ADGRB3: variants seen among roughly 807,000 people sequenced by gnomAD.
ADGRB3 encodes adhesion G protein-coupled receptor B3.
A neutral mutation model predicts 193.4 loss-of-function variants in ADGRB3; 37 were observed. The observed-to-expected ratio is 0.19, with a 90% CI of 0.15 to 0.25. The LOEUF (loss-of-function observed/expected upper bound fraction) is 0.25, where lower values mean the gene tolerates loss of function less well. Ranked by LOEUF, ADGRB3 falls within the 10% of genes least tolerant of loss-of-function variation. The pLI is 1.00. For synonymous variants in ADGRB3, 690 were observed against 644.2 expected (o/e 1.07, Z -1.08); for missense variants, 1,637 against 1,852.9 (o/e 0.88, Z 2.14).
chr6:69,311,148 G>A (rs1301249442), intron 20 of ADGRB3, among the ~76,000 whole-genome samples: 1 of 151,730 alleles, frequency 6.6e-6, no homozygotes, highest in Non-Finnish European at 1.5e-5. Context: ...CCAGTGGACT[G>A]AAATTTTTAT....
intron 17 of ADGRB3, among the ~76,000 whole-genome samples, chr6:69,216,293 A>G (rs1765770973): frequency 6.6e-6 from 1 of 152,200 alleles, no homozygotes; most frequent in African/African-American, 2.4e-5. Flanking sequence ...GGCCACTTGC[A>G]TTTGAATACC....
chr6:69,004,918 G>C lies in ADGRB3; in HGVS notation c.1930-9120G>C, dbSNP rs149372196. Among the ~76,000 whole-genome samples, 5 of 152,228 alleles carry C rather than the reference G, an allele frequency of 3.3e-5. No individual in the cohort carries two copies. In the South Asian group the frequency reaches 1.0e-3, roughly 32 times the overall value. On this transcript the variant is annotated intron_variant, in intron 11 of 31. Transcript: ENST00000370598. Reference sequence around the variant, plus strand: ...ATCTTTCTTCAGGACTGGACCTGCTGTGACTACTGCCTGTAGTCTTGTAAG... The same window carrying C: ...ATCTTTCTTCAGGACTGGACCTGCTCTGACTACTGCCTGTAGTCTTGTAAG...
At chr6:68,892,468 TA>T (rs1479152946) in intron 3 of ADGRB3, among the ~76,000 whole-genome samples, 2 of 152,170 alleles carry the variant, frequency 1.3e-5, no homozygotes, top group East Asian at 3.8e-4. Flanking sequence ...GCCCCTTATG[TA>T]AATTAGCCAG....
chr6:68,884,328 A>G (rs1315368128), intron 3 of ADGRB3, among the ~76,000 whole-genome samples: 1 of 152,172 alleles, frequency 6.6e-6, no homozygotes, highest in African/African-American at 2.4e-5. Flanking sequence ...TTACATAATT[A>G]CACAAATAAA....
intron 3 of ADGRB3, among the ~76,000 whole-genome samples, chr6:68,686,112 TGTA>T (rs1435740469): frequency 2.0e-5 from 3 of 152,160 alleles, no homozygotes; most frequent in African/African-American, 4.8e-5. Context: ...AAAGAAGGAT[TGTA>T]AGGTGGACAC....
intron 3 of ADGRB3, among the ~76,000 whole-genome samples, chr6:68,700,358 C>A (rs12200060): frequency 1.4e-4 from 22 of 151,842 alleles, no homozygotes; most frequent in Non-Finnish European, 3.1e-4. Context: ...TTTCAAAACA[C>A]CTTTTTTTTT....
At chr6:69,123,554 G>T (rs2150331121) in intron 17 of ADGRB3, among the ~76,000 whole-genome samples, 1 of 152,256 alleles carries the variant, frequency 6.6e-6, no homozygotes, top group African/African-American at 2.4e-5. Context: ...AATAAAAGCT[G>T]CATCTGCCAT....
intron 30 of ADGRB3, among the ~76,000 whole-genome samples, chr6:69,372,849 G>T (rs1239392586): frequency 6.6e-6 from 1 of 151,864 alleles, no homozygotes; most frequent in African/African-American, 2.4e-5. Context: ...GGTTAGCTAG[G>T]CTTTCTCTGA....
chr6:69,303,502 AG>A (rs1033858782), intron 20 of ADGRB3, among the ~76,000 whole-genome samples: 16 of 151,878 alleles, frequency 1.1e-4, no homozygotes, highest in Non-Finnish European at 1.0e-4. Flanking sequence ...TCCACTTCAA[AG>A]TTTTTCAGGC....
At chr6:69,016,314 A>AG (rs1770089355) in intron 12 of ADGRB3, among the ~76,000 whole-genome samples, 1 of 151,896 alleles carries the variant, frequency 6.6e-6, no homozygotes. Flanking sequence ...AGAAGGGAAA[A>AG]AAAACACATT....
intron 3 of ADGRB3, among the ~76,000 whole-genome samples, chr6:68,689,857 A>G (rs1765042221): frequency 6.6e-6 from 1 of 152,180 alleles, no homozygotes; most frequent in African/African-American, 2.4e-5. Flanking sequence ...TTCTGAAACA[A>G]AAGTTCAGAA....
At chr6:68,801,139 A>T (rs1767302725) in intron 3 of ADGRB3, among the ~76,000 whole-genome samples, 1 of 152,152 alleles carries the variant, frequency 6.6e-6, no homozygotes, top group African/African-American at 2.4e-5. Flanking sequence ...TCATATATAT[A>T]ATGGAAAAAC....
At chr6:68,857,836 C>T (rs1388327403) in intron 3 of ADGRB3, among the ~76,000 whole-genome samples, 3 of 152,164 alleles carry the variant, frequency 2.0e-5, no homozygotes, top group Non-Finnish European at 4.4e-5. Context: ...CATCTTGTAG[C>T]TCCCATAATT....
At chr6:69,027,090 T>A (rs1451635377) in intron 13 of ADGRB3, among the ~76,000 whole-genome samples, 1 of 152,186 alleles carries the variant, frequency 6.6e-6, no homozygotes, top group African/African-American at 2.4e-5. Context: ...TTTTTTTAAC[T>A]TTTGGACTCT....
intron 3 of ADGRB3, among the ~76,000 whole-genome samples, chr6:68,746,277 G>T (rs1247505973): frequency 6.6e-6 from 1 of 151,640 alleles, no homozygotes; most frequent in Non-Finnish European, 1.5e-5. Context: ...TCCTAGTGAG[G>T]TGAGAAGCTT....
intron 17 of ADGRB3, among the ~76,000 whole-genome samples, chr6:69,210,853 C>A (rs375929943): frequency 6.6e-6 from 1 of 151,932 alleles, no homozygotes; most frequent in Non-Finnish European, 1.5e-5. Flanking sequence ...TGGTGGCTCA[C>A]GCCTGTAATC....
chr6:69,030,293 T>C lies in ADGRB3; in HGVS notation c.2107+11794T>C, dbSNP rs577110514. Reference sequence around the variant, plus strand: ...ATACCCAAAGGATTATAAATCATTTTACTATAAAGACACATGCACACATAT... The same window carrying C: ...ATACCCAAAGGATTATAAATCATTTCACTATAAAGACACATGCACACATAT... On this transcript the variant is annotated intron_variant, in intron 13 of 31. Coordinates refer to ENST00000370598, the MANE Select transcript of ADGRB3 (RefSeq NM_001704.3). Among the ~76,000 whole-genome samples, 4 of 152,290 alleles carry C rather than the reference T, an allele frequency of 2.6e-5. No individual in the cohort carries two copies. In the South Asian group the frequency reaches 6.2e-4, roughly 24 times the overall value.
intron 3 of ADGRB3, among the ~76,000 whole-genome samples, chr6:68,708,687 A>G (rs1202939419): frequency 6.6e-6 from 1 of 152,228 alleles, no homozygotes; most frequent in Non-Finnish European, 1.5e-5. Context: ...AAATGTTTTG[A>G]ATTATTTCAA....
At chr6:69,255,074 A>G (rs1190491407) in intron 20 of ADGRB3, among the ~76,000 whole-genome samples, 1 of 151,406 alleles carries the variant, frequency 6.6e-6, no homozygotes, top group Non-Finnish European at 1.5e-5. Flanking sequence ...TCCATGGTGT[A>G]TATGTGCCAC....
Sources: allele counts gnomAD v4.1 joint callset (sites outside exome capture counted in the v4.1 genomes callset), GRCh38; gene constraint gnomAD v4.1.1; transcripts MANE v1.5; gene names NCBI Gene and HGNC (gene_info 2026-07-23, HGNC 2026-07-21).